The following DOCK5 variants were observed in gnomAD, a reference collection of about 807,000 sequenced individuals.
The protein encoded by DOCK5 is dedicator of cytokinesis 5.
DOCK5 carries 142 observed loss-of-function variants against 251.8 expected under a neutral mutation model. The ratio of observed to expected loss-of-function variants is 0.56; its 90% confidence interval spans 0.49 to 0.65. DOCK5 has a LOEUF of 0.65. Ranked by LOEUF, DOCK5 falls within the 30% of genes least tolerant of loss-of-function variation. The pLI is 0.00. For synonymous variants in DOCK5, 842 were observed against 835.5 expected (o/e 1.01, Z -0.13); for missense variants, 2,111 against 2,312.3 (o/e 0.91, Z 1.79).
intron 1 of DOCK5, among the ~76,000 whole-genome samples, chr8:25,187,313 GTA>G (rs768061588): frequency 8.6e-4 from 127 of 147,112 alleles, no homozygotes; most frequent in Middle Eastern, 3.6e-3. Context: ...GTATATATGC[GTA>G]TATGTGTGTG....
chr8:25,229,001 C>T (rs796661667), intron 1 of DOCK5, among the ~76,000 whole-genome samples: 21 of 149,616 alleles, frequency 1.4e-4, no homozygotes, highest in African/African-American at 4.2e-4. Flanking sequence ...GAGGCCAAGA[C>T]GGGAGGATCA....
intron 26 of DOCK5, among the ~76,000 whole-genome samples, chr8:25,349,895 G>A (rs868401439): frequency 8.5e-5 from 13 of 152,098 alleles, no homozygotes; most frequent in Non-Finnish European, 1.8e-4. Context: ...GAAACCACTC[G>A]TACCCCCAAA....
At chr8:25,234,145 G>A (rs80186417) in intron 1 of DOCK5, among the ~76,000 whole-genome samples, 3,899 of 152,322 alleles carry the variant, frequency 0.026, 194 homozygotes, top group African/African-American at 0.089. Context: ...GGGGATCATT[G>A]CTTTTCTCAG....
chr8:25,298,806 C>A, intron 7 of DOCK5, 138 bp from the exon 8 acceptor site: 1 of 956,912 alleles, frequency 1.0e-6, no homozygotes, highest in Non-Finnish European at 1.5e-6. Context: ...CCTCTAGTAG[C>A]ACTGGGATTA....
chr8:25,210,008 T>TTTTATATATATATATATA (rs1403956039), intron 1 of DOCK5, among the ~76,000 whole-genome samples: 2 of 27,212 alleles, frequency 7.3e-5, no homozygotes, highest in African/African-American at 2.2e-4. Flanking sequence ...CCCCGGCTAA[T>TTTTATATATATATATATA]TATATATATA....
At chr8:25,347,372 T>C (rs919821353) in intron 26 of DOCK5, among the ~76,000 whole-genome samples, 9 of 152,328 alleles carry the variant, frequency 5.9e-5, no homozygotes, top group African/African-American at 1.9e-4. Flanking sequence ...TTACTTGATA[T>C]TTATTCATTA....
intron 1 of DOCK5, among the ~76,000 whole-genome samples, chr8:25,218,670 C>T (rs1166155406): frequency 6.6e-6 from 1 of 152,126 alleles, no homozygotes; most frequent in Non-Finnish European, 1.5e-5. Context: ...TTCACTTTCC[C>T]GTTGTAGGGA....
intron 2 of DOCK5, among the ~76,000 whole-genome samples, chr8:25,262,686 C>T (rs1393222731): frequency 6.6e-6 from 1 of 152,114 alleles, no homozygotes; most frequent in Admixed American, 6.6e-5. Flanking sequence ...CTCTTTCAGC[C>T]AATGTTTTAT....
intron 1 of DOCK5, among the ~76,000 whole-genome samples, chr8:25,206,401 A>G (rs1455449293): frequency 2.0e-5 from 3 of 152,166 alleles, no homozygotes; most frequent in Non-Finnish European, 4.4e-5. Flanking sequence ...ATTCACCAAT[A>G]TCTGTGGTGT....
intron 40 of DOCK5, among the ~76,000 whole-genome samples, chr8:25,388,092 A>G (rs1394831974): frequency 6.6e-6 from 1 of 152,172 alleles, no homozygotes; most frequent in African/African-American, 2.4e-5. Context: ...TTTGCCTGGA[A>G]AGTGTAATTG....
Position 25,411,912 on chromosome 8 carries a change from C to G in DOCK5, c.*614C>G, listed in dbSNP as rs951157098. The stretch of plus-strand genomic sequence containing the variant: ...GTCTATCATTGAAAGAGCATGGACT[C>G]AAACATCAGCCCTGAGTTCTTGAGT... On this transcript the variant is annotated 3_prime_UTR_variant, in exon 52 of 52. Coordinates refer to ENST00000276440, the MANE Select transcript of DOCK5 (RefSeq NM_024940.8). The G allele has an allele frequency of 6.6e-6, 1 of 152,088 alleles. No homozygotes were observed. The highest frequency in any genetic ancestry group is 2.4e-5 in the African/African-American group (1 of 41,398). 9.4% of individuals were successfully genotyped at this position (152,088 alleles called of 1,614,324 possible).
In DOCK5 at chr8:25,372,715, G is replaced by C. The variant is rs760374712; in HGVS notation, c.3681G>C (p.Val1227=). The C allele has an allele frequency of 6.2e-7, 1 of 1,609,824 alleles. No individual in the cohort carries two copies. The highest frequency in any genetic ancestry group is 8.5e-7 in the Non-Finnish European group (1 of 1,178,152). Residue 1227 remains valine (V), a synonymous_variant, in exon 35 of 52, where the codon GTG becomes GTC. Coordinates refer to ENST00000276440, the MANE Select transcript of DOCK5 (RefSeq NM_024940.8). ...KENRMSCTVN[V]LNFYKEKKRE... is the part of the protein sequence containing the mutation. The stretch of plus-strand genomic sequence containing the variant: ...ACCGTATGAGCTGCACTGTGAACGT[G>C]CTGGTATGTGACATGCCTCCGGTGT...
At chr8:25,291,873 A>AC (rs1804498036) in intron 5 of DOCK5, 151 bp from the exon 6 acceptor site, 13 of 168,628 alleles carry the variant, frequency 7.7e-5, no homozygotes, top group Admixed American at 9.8e-4. Context: ...ACTCCATCAC[A>AC]AAAAAAAAAA....
intron 2 of DOCK5, among the ~76,000 whole-genome samples, chr8:25,253,005 G>A (rs995831376): frequency 2.0e-5 from 3 of 152,142 alleles, no homozygotes; most frequent in Non-Finnish European, 4.4e-5. Context: ...CTAATTTTTA[G>A]TAGAGACGTG....
chr8:25,354,397 G>A, intron 27 of DOCK5, among the ~76,000 whole-genome samples: 1 of 152,156 alleles, frequency 6.6e-6, no homozygotes, highest in Middle Eastern at 3.2e-3. Flanking sequence ...TTACATACTT[G>A]AATTCAAATT....
chr8:25,190,018 C>G (rs139586973), intron 1 of DOCK5, among the ~76,000 whole-genome samples: 10,778 of 152,248 alleles, frequency 0.071, 522 homozygotes, highest in African/African-American at 0.12. Flanking sequence ...TCCTGAGTAG[C>G]TGAGATTACA....
intron 11 of DOCK5, among the ~76,000 whole-genome samples, chr8:25,306,523 T>C (rs1804934862): frequency 6.6e-6 from 1 of 151,874 alleles, no homozygotes; most frequent in Admixed American, 6.6e-5. Flanking sequence ...TGAAACCCTG[T>C]CTCTACTAAA....
chr8:25,291,065 G>A (rs1339279052), intron 5 of DOCK5, among the ~76,000 whole-genome samples: 1 of 152,166 alleles, frequency 6.6e-6, no homozygotes, highest in Non-Finnish European at 1.5e-5. Flanking sequence ...TAGATTGTTG[G>A]GGTGGAGACT....
At chr8:25,381,767 G>A (rs1467117773) in intron 39 of DOCK5, among the ~76,000 whole-genome samples, 2 of 152,152 alleles carry the variant, frequency 1.3e-5, no homozygotes, top group African/African-American at 4.8e-5. Flanking sequence ...CCATTGTAGG[G>A]GAGGGGGCTC....
Sources: allele counts gnomAD v4.1 joint callset (sites outside exome capture counted in the v4.1 genomes callset), GRCh38; gene constraint gnomAD v4.1.1; transcripts MANE v1.5; gene names NCBI Gene and HGNC (gene_info 2026-07-23, HGNC 2026-07-21).